Variants in SMAD7 observed in about 807,000 individuals in gnomAD.
The protein encoded by SMAD7 is SMAD family member 7.
In SMAD7, 8 loss-of-function variants were observed where a neutral mutation model predicts 38.7. The ratio of observed to expected loss-of-function variants is 0.21; its 90% confidence interval spans 0.12 to 0.37. SMAD7 has a LOEUF of 0.37. SMAD7 is among the 10% of genes least tolerant of loss of function. The pLI, the probability that SMAD7 is intolerant of heterozygous loss-of-function variation, is 1.00. For missense variants in SMAD7, 477 were observed against 577.9 expected (o/e 0.83, Z 1.79); for synonymous variants, 327 against 265.1 (o/e 1.23, Z -2.27).
In SMAD7 at chr18:48,950,512, T is replaced by TTGGGGCAGCAGGCGCAGGCGAC. The variant is rs2070251535; in HGVS notation, c.-110_-89dup. On this transcript the variant is annotated 5_prime_UTR_variant, in exon 1 of 4. Transcript: ENST00000262158. ...CACCATGAAGAAGTCGGGCGCCGAG[T>TTGGGGCAGCAGGCGCAGGCGAC]TGGGGCAGCAGGCGCAGGCGACAGC... 1 of 1,342,038 alleles carries TTGGGGCAGCAGGCGCAGGCGAC rather than the reference T, an allele frequency of 7.5e-7. No individual in the cohort carries two copies. The allele number at this position is 1,342,038 out of a possible 1,614,324, so 83.1% of individuals were successfully genotyped here.
At chr18:48,947,139 T>C (rs766522269) in intron 2 of SMAD7, among the ~76,000 whole-genome samples, 2 of 152,222 alleles carry the variant, frequency 1.3e-5, no homozygotes, top group African/African-American at 4.8e-5. Context: ...GAGCTGGGTA[T>C]CTCCTTATTA....
intron 3 of SMAD7, among the ~76,000 whole-genome samples, chr18:48,939,453 T>C (rs1377096472): frequency 8.2e-6 from 1 of 122,210 alleles, no homozygotes; most frequent in Non-Finnish European, 1.6e-5. Flanking sequence ...CCCGGGCTCC[T>C]ACCCGCCCAC....
intron 3 of SMAD7, among the ~76,000 whole-genome samples, chr18:48,930,809 C>A (rs1297681034): frequency 2.6e-5 from 4 of 152,222 alleles, no homozygotes; most frequent in Non-Finnish European, 5.9e-5. Context: ...AGCAATTCCA[C>A]CTCTGGGTAT....
chr18:48,932,661 A>T (rs1001452037), intron 3 of SMAD7, among the ~76,000 whole-genome samples: 1 of 152,190 alleles, frequency 6.6e-6, no homozygotes, highest in African/African-American at 2.4e-5. Context: ...AGAAGGATGA[A>T]TGTGAAAAGG....
intron 2 of SMAD7, among the ~76,000 whole-genome samples, chr18:48,946,850 G>GA (rs2070200948): frequency 6.6e-6 from 1 of 152,194 alleles, no homozygotes; most frequent in African/African-American, 2.4e-5. Flanking sequence ...AAACCCAAGG[G>GA]AACATGGCCT....
In SMAD7 at chr18:48,921,882, A is replaced by T; in HGVS notation, c.771T>A (p.Asp257Glu). 1 of 1,609,108 alleles carries T rather than the reference A, an allele frequency of 6.2e-7. No individual in the cohort carries two copies. The highest frequency in any genetic ancestry group is 8.5e-7 in the Non-Finnish European group (1 of 1,178,986). ...SDSQLLLEPG[D>E]RSHWCVVAYW... Reference sequence around the variant, plus strand: ...ATGCCACCACGCACCAGTGTGACCGATCCCCAGGCTCCAGAAGAAGTTGGG... The same window carrying T: ...ATGCCACCACGCACCAGTGTGACCGTTCCCCAGGCTCCAGAAGAAGTTGGG... Residue 257 changes from aspartate (D) to glutamate (E), a missense_variant, in exon 4 of 4, where the codon GAT becomes GAA. By Grantham distance (45) the Asp-to-Glu change is conservative. Around this residue, in one of 2 missense-constraint regions of SMAD7, gnomAD observed 376 missense variants for 379.4 expected, o/e 0.99. Transcript: ENST00000262158. This position sits in a 1 kb window ranked among gnomAD's most constrained non-coding sequence, Gnocchi z 6.4.
At chr18:48,937,728 A>G (rs2070087982) in intron 3 of SMAD7, among the ~76,000 whole-genome samples, 1 of 152,144 alleles carries the variant, frequency 6.6e-6, no homozygotes, top group South Asian at 2.1e-4. Flanking sequence ...CCTGAGTTCT[A>G]GGCCGTCATT....
At chr18:48,941,794 C>A (rs1050390004) in intron 3 of SMAD7, among the ~76,000 whole-genome samples, 64 of 152,212 alleles carry the variant, frequency 4.2e-4, no homozygotes, top group Admixed American at 2.6e-3. Flanking sequence ...TCAGGAACAA[C>A]AATGCTCTGG....
intron 2 of SMAD7, among the ~76,000 whole-genome samples, chr18:48,944,925 C>T (rs754883487): frequency 2.0e-5 from 3 of 152,126 alleles, no homozygotes; most frequent in African/African-American, 7.2e-5. Context: ...TTCCTTTCTC[C>T]GAGCAGCTCC....
intron 3 of SMAD7, among the ~76,000 whole-genome samples, chr18:48,939,090 G>A (rs1051220708): frequency 4.6e-5 from 7 of 151,950 alleles, no homozygotes; most frequent in East Asian, 3.9e-4. Context: ...GTGGGCATCC[G>A]CACGCTCTCA....
intron 3 of SMAD7, among the ~76,000 whole-genome samples, chr18:48,937,282 G>A (rs1215399226): frequency 6.7e-6 from 1 of 150,374 alleles, no homozygotes; most frequent in Non-Finnish European, 1.5e-5. Context: ...GTGTGTGTGT[G>A]TGTGTGTGTG....
intron 2 of SMAD7, among the ~76,000 whole-genome samples, chr18:48,947,866 G>T (rs2070211926): frequency 6.7e-6 from 1 of 149,752 alleles, no homozygotes; most frequent in Non-Finnish European, 1.5e-5. Context: ...GGACTGACTT[G>T]CAGGTGACTG....
chr18:48,941,069 C>A (rs961709627), intron 3 of SMAD7, among the ~76,000 whole-genome samples: 3 of 152,254 alleles, frequency 2.0e-5, no homozygotes, highest in African/African-American at 7.2e-5. Context: ...AAAATAAAAC[C>A]ATCTAACAAC....
chr18:48,935,416 T>A (rs7238442), intron 3 of SMAD7, among the ~76,000 whole-genome samples: 259 of 152,148 alleles, frequency 1.7e-3, no homozygotes, highest in African/African-American at 5.7e-3. Context: ...GACCTCCCTG[T>A]GGCTGTGCTT....
intron 2 of SMAD7, among the ~76,000 whole-genome samples, chr18:48,945,938 G>T (rs891275552): frequency 3.9e-5 from 6 of 152,098 alleles, no homozygotes; most frequent in African/African-American, 1.4e-4. Context: ...GCCTCCCCTA[G>T]GTTCAGTCAT....
intron 3 of SMAD7, among the ~76,000 whole-genome samples, chr18:48,934,323 G>A (rs139290878): frequency 6.6e-6 from 1 of 152,124 alleles, no homozygotes; most frequent in Non-Finnish European, 1.5e-5. Flanking sequence ...GGGGGACACG[G>A]TGGCTTGAAA....
Position 48,949,949 on chromosome 18 carries a change from A to T in SMAD7, c.476T>A (p.Leu159Gln). The change falls in exon 1 of 4, where the codon CTG becomes CAG. Residue 159 changes from leucine to glutamine, a missense_variant. This residue lies in a region of SMAD7 where 376 missense variants were observed against 379.4 expected (regional missense o/e 0.99). Transcript: ENST00000262158. ...PPSSYSLPLL[L>Q]CKVFRWPDLR... is the part of the protein sequence containing the mutation. ...ATCCGGCCACCTGAACACTTTGCAC[A>T]GCAGGAGGGGGAGCGAGTAGGACGA... The T allele has an allele frequency of 6.2e-7, 1 of 1,612,168 alleles. No homozygotes were observed. Among genetic ancestry groups the T allele is most frequent in the Non-Finnish European group, 8.5e-7 (1 of 1,179,390 alleles).
intron 3 of SMAD7, among the ~76,000 whole-genome samples, chr18:48,937,964 C>T (rs376170357): frequency 3.9e-5 from 6 of 152,284 alleles, no homozygotes; most frequent in South Asian, 2.1e-4. Context: ...GGGGAGGTGA[C>T]TTAATTTAAA....
At chr18:48,924,387 C>T (rs1485840349) in intron 3 of SMAD7, among the ~76,000 whole-genome samples, 1 of 152,148 alleles carries the variant, frequency 6.6e-6, no homozygotes, top group Non-Finnish European at 1.5e-5. Flanking sequence ...GCCTGTCAGC[C>T]ACCTAGGCAA....
Sources: allele counts gnomAD v4.1 joint callset (sites outside exome capture counted in the v4.1 genomes callset), GRCh38; gene constraint gnomAD v4.1.1; regional missense constraint gnomAD v4.1.1; non-coding constraint Gnocchi (gnomAD v3.1); transcripts MANE v1.5; gene names NCBI Gene and HGNC (gene_info 2026-07-23, HGNC 2026-07-21).